Variants in CTIF observed in about 807,000 individuals in gnomAD.
CTIF encodes the protein cap binding complex dependent translation initiation factor, also known as CBP80/20-dependent translation initiation factor.
A neutral mutation model predicts 66.0 loss-of-function variants in CTIF; 21 were observed. The observed-to-expected ratio is 0.32, with a 90% CI of 0.23 to 0.46. The LOEUF (loss-of-function observed/expected upper bound fraction) is 0.46, where lower values mean the gene tolerates loss of function less well. Ranked by LOEUF, CTIF falls within the 20% of genes least tolerant of loss-of-function variation. The pLI, the probability that CTIF is intolerant of heterozygous loss-of-function variation, is 1.00. For missense variants in CTIF, 739 were observed against 812.7 expected (o/e 0.91, Z 1.10); for synonymous variants, 345 against 326.4 (o/e 1.06, Z -0.62).
chr18:48,626,054 T>C (rs1045296257), intron 2 of CTIF, among the ~76,000 whole-genome samples: 4 of 147,920 alleles, frequency 2.7e-5, no homozygotes, highest in African/African-American at 7.5e-5. Context: ...AAGGCTGTAG[T>C]GTAGTGGCGC....
At chr18:48,624,976 A>G (rs1423400287) in intron 2 of CTIF, among the ~76,000 whole-genome samples, 1 of 152,230 alleles carries the variant, frequency 6.6e-6, no homozygotes, top group Non-Finnish European at 1.5e-5. Flanking sequence ...AGTGATCTTT[A>G]CAAAGGGGTG....
intron 6 of CTIF, among the ~76,000 whole-genome samples, chr18:48,707,511 TC>T (rs1161566473): frequency 6.6e-6 from 1 of 152,026 alleles, no homozygotes. Context: ...TTTTGATTGA[TC>T]TTCTCTTCTT....
intron 2 of CTIF, among the ~76,000 whole-genome samples, chr18:48,620,206 G>C (rs1013462959): frequency 1.3e-5 from 2 of 152,196 alleles, no homozygotes; most frequent in African/African-American, 2.4e-5. Flanking sequence ...AGTAGCCAAA[G>C]TCTCGTGGGA....
intron 9 of CTIF, among the ~76,000 whole-genome samples, chr18:48,796,135 A>G (rs1279687604): frequency 1.3e-5 from 2 of 152,188 alleles, no homozygotes; most frequent in Non-Finnish European, 2.9e-5. Flanking sequence ...AGCTGGGACT[A>G]CAGGCATGTG....
intron 2 of CTIF, chr18:48,621,333 C>T (rs2090489945): frequency 6.1e-6 from 1 of 164,538 alleles, no homozygotes; most frequent in Admixed American, 6.4e-5. Flanking sequence ...AACATCTGGG[C>T]AGAAGGACCA....
At chr18:48,539,631 C>T (rs1005507198) in intron 1 of CTIF, 4 of 152,964 alleles carry the variant, frequency 2.6e-5, no homozygotes, top group Non-Finnish European at 5.8e-5. Flanking sequence ...AAGGGGGGCT[C>T]TTGGGGGACG....
chr18:48,702,489 G>T (rs1377008444), intron 6 of CTIF, among the ~76,000 whole-genome samples: 1 of 152,208 alleles, frequency 6.6e-6, no homozygotes, highest in Non-Finnish European at 1.5e-5. Flanking sequence ...TAGCCTCTGG[G>T]ATAGTATTGA....
chr18:48,688,850 A>G (rs2091883791), intron 6 of CTIF, among the ~76,000 whole-genome samples: 1 of 152,298 alleles, frequency 6.6e-6, no homozygotes, highest in African/African-American at 2.4e-5. Context: ...GCATCTGCAC[A>G]GAAAATGTTC....
chr18:48,675,152 G>A (rs894549063), intron 6 of CTIF, among the ~76,000 whole-genome samples: 6 of 32,832 alleles, frequency 1.8e-4, no homozygotes, highest in Non-Finnish European at 6.5e-4. Context: ...AAGCCATAGG[G>A]CAGGCAGACA....
chr18:48,862,045 TAA>T lies in CTIF; in HGVS notation c.*2487_*2488del, dbSNP rs1702084639. ...TTTTTCAGATATGGAAGGAAAACGT[TAA>T]GACTATTTTTTTTTTAAAGAAACAA... On this transcript the variant is annotated 3_prime_UTR_variant, in exon 12 of 12. Transcript: ENST00000256413. 6.6e-6 allele frequency: 1 copy of T among 151,532 alleles called. No individual in the cohort carries two copies. The highest frequency in any genetic ancestry group is 6.6e-5 in the Admixed American group (1 of 15,258). 9.4% of individuals were successfully genotyped at this position (151,532 alleles called of 1,614,324 possible). A position where few individuals can be genotyped will look rare whatever the true frequency, so the allele number is the denominator to read the frequency against.
At chr18:48,691,839 G>C (rs1332552444) in intron 6 of CTIF, among the ~76,000 whole-genome samples, 1 of 152,002 alleles carries the variant, frequency 6.6e-6, no homozygotes, top group East Asian at 1.9e-4. Context: ...CCCCTCACTT[G>C]CTGCCCCAGG....
At chr18:48,613,014 C>T (rs935758081) in intron 1 of CTIF, among the ~76,000 whole-genome samples, 4 of 152,050 alleles carry the variant, frequency 2.6e-5, no homozygotes, top group East Asian at 1.9e-4. Context: ...GTGCGGGCCT[C>T]GAATGATGGA....
At chr18:48,787,261 A>G (rs1471249423) in intron 9 of CTIF, among the ~76,000 whole-genome samples, 1 of 152,068 alleles carries the variant, frequency 6.6e-6, no homozygotes, top group Non-Finnish European at 1.5e-5. Flanking sequence ...ATTGGTTCAC[A>G]TGTTAAGTAT....
chr18:48,567,015 A>G (rs1174416381), intron 1 of CTIF: 4 of 152,228 alleles, frequency 2.6e-5, no homozygotes, highest in Non-Finnish European at 5.9e-5. Flanking sequence ...TAGTAGTCTC[A>G]TTTATTCACC....
intron 7 of CTIF, among the ~76,000 whole-genome samples, chr18:48,733,228 G>T (rs1386670239): frequency 6.8e-6 from 1 of 146,810 alleles, no homozygotes; most frequent in Admixed American, 6.9e-5. Flanking sequence ...AGGAGGCGAG[G>T]AGGGGCCGAG....
intron 1 of CTIF, among the ~76,000 whole-genome samples, chr18:48,560,901 G>A (rs1053438178): frequency 1.3e-5 from 2 of 152,142 alleles, no homozygotes; most frequent in Non-Finnish European, 2.9e-5. Flanking sequence ...CTTCCCTGAG[G>A]TTTAGATTCA....
chr18:48,801,561 G>C (rs559834923), intron 9 of CTIF, among the ~76,000 whole-genome samples: 1 of 152,358 alleles, frequency 6.6e-6, no homozygotes, highest in East Asian at 1.9e-4. Context: ...GTGAGCTTCA[G>C]GCCGAGTCAT....
At chr18:48,580,112 G>A (rs1386185428) in intron 1 of CTIF, among the ~76,000 whole-genome samples, 1 of 152,170 alleles carries the variant, frequency 6.6e-6, no homozygotes, top group African/African-American at 2.4e-5. Flanking sequence ...TGCCGGCTGG[G>A]TCAGAGTTCT....
chr18:48,792,703 TG>T (rs2067819947), intron 9 of CTIF, among the ~76,000 whole-genome samples: 1 of 152,030 alleles, frequency 6.6e-6, no homozygotes, highest in South Asian at 2.1e-4. Context: ...TGGACGTAGG[TG>T]CAAAAGAATG....
Sources: gnomAD v4.1 joint callset for allele counts (sites outside exome capture counted in the v4.1 genomes callset) on GRCh38, gnomAD v4.1.1 for gene constraint, MANE v1.5 for transcripts, NCBI Gene and HGNC (gene_info 2026-07-23, HGNC 2026-07-21) for gene names.